Variants in RAD21 observed in about 807,000 individuals in gnomAD.
RAD21 encodes RAD21 cohesin complex component, also known as double-strand-break repair protein rad21 homolog.
RAD21 carries 18 observed loss-of-function variants against 71.5 expected under a neutral mutation model. The observed-to-expected ratio is 0.25, with a 90% CI of 0.17 to 0.37. RAD21 has a LOEUF of 0.37. RAD21 is among the 10% of genes least tolerant of loss of function. The pLI, the probability that RAD21 is intolerant of heterozygous loss-of-function variation, is 1.00. For missense variants in RAD21, 493 were observed against 769.1 expected (o/e 0.64, Z 4.25); for synonymous variants, 248 against 254.0 (o/e 0.98, Z 0.22).
chr8:116,854,107 T>A, intron 9 of RAD21, 138 bp downstream of exon 9: 1 of 642,246 alleles, frequency 1.6e-6, no homozygotes, highest in Non-Finnish European at 2.6e-6. Flanking sequence ...CCCAGTACAC[T>A]GTGATTTAAG....
rs1563687842 is a variant in RAD21 at position 116,850,630 on chromosome 8, A to C, written c.1608T>G (p.Asp536Glu). ...TTAATTAGTTTACCTCTTCCTCTTC[A>C]TCATCTTCTTTTTCCTTCTCTTTCT... ...EKEKEKEKED[D>E]EEEEDEDASG... The change falls in exon 12 of 14, where the codon GAT becomes GAG. Residue 536 changes from aspartate (D) to glutamate (E), a missense_variant. By Grantham distance (45) the Asp-to-Glu change is conservative (BLOSUM62 2). Coordinates refer to ENST00000297338, the MANE Select transcript of RAD21 (RefSeq NM_006265.3). The C allele has an allele frequency of 6.2e-7, 1 of 1,609,512 alleles. No individual in the cohort carries two copies. The highest frequency in any genetic ancestry group is 8.5e-7 in the Non-Finnish European group (1 of 1,176,506).
chr8:116,853,843 CA>C (rs1002411920), intron 9 of RAD21, among the ~76,000 whole-genome samples: 8 of 150,736 alleles, frequency 5.3e-5, no homozygotes, highest in African/African-American at 2.0e-4. Context: ...AACAAACAAA[CA>C]AAAAAACAAA....
intron 3 of RAD21, 67 bp from the exon 4 acceptor site, chr8:116,862,007 A>G: frequency 1.6e-6 from 2 of 1,238,310 alleles, no homozygotes; most frequent in South Asian, 2.4e-5. Flanking sequence ...AGAGGGAGAT[A>G]AGTAGGTATA....
At position 116,866,666 on chromosome 8, in the gene RAD21, G is replaced by T; in HGVS notation, c.64C>A (p.His22Asn). ...GCTTTGGTTAGCTTCTTATCCCAAT[G>T]GGCCGCTAGCCAAATTTTGGCCAGA... ...GPLAKIWLAA[H>N]WDKKLTKAHV... Residue 22 changes from histidine to asparagine, a missense_variant, in exon 2 of 14, where the codon CAT (histidine) becomes AAT (asparagine). His to Asn is a moderately conservative substitution (Grantham distance 68, BLOSUM62 1). Coordinates refer to ENST00000297338, the MANE Select transcript of RAD21 (RefSeq NM_006265.3). The T allele has an allele frequency of 6.2e-7, 1 of 1,613,390 alleles. No individual in the cohort carries two copies.
chr8:116,849,731 A>G (rs1343350791), intron 12 of RAD21, among the ~76,000 whole-genome samples: 2 of 152,202 alleles, frequency 1.3e-5, no homozygotes, highest in Non-Finnish European at 2.9e-5. Flanking sequence ...ACTCATTCAC[A>G]ACTAAGTCTG....
intron 2 of RAD21, among the ~76,000 whole-genome samples, chr8:116,865,652 A>T (rs998459125): frequency 1.3e-5 from 2 of 152,198 alleles, no homozygotes; most frequent in Non-Finnish European, 2.9e-5. Context: ...GCTAGTCTTT[A>T]AAAAGAAAAT....
intron 9 of RAD21, 83 bp downstream of exon 9, chr8:116,854,162 A>T (rs1812415551): frequency 8.5e-7 from 1 of 1,178,048 alleles, no homozygotes; most frequent in Non-Finnish European, 1.2e-6. Context: ...ATACTTGATC[A>T]AAAATGATTC....
chr8:116,859,732 A>G (rs1812549407), intron 4 of RAD21, among the ~76,000 whole-genome samples: 1 of 152,062 alleles, frequency 6.6e-6, no homozygotes, highest in Admixed American at 6.6e-5. Context: ...AATAAGGCCA[A>G]TTAATAACCC....
At chr8:116,855,230 T>C (rs1812437799) in intron 8 of RAD21, among the ~76,000 whole-genome samples, 1 of 152,164 alleles carries the variant, frequency 6.6e-6, no homozygotes, top group Non-Finnish European at 1.5e-5. Flanking sequence ...CCCATTTCCC[T>C]CATCAATGGG....
Position 116,846,279 on chromosome 8 carries a change from G to A in RAD21, c.*1221C>T, listed in dbSNP as rs1812251469. 4.3e-6 allele frequency: 1 copy of A among 230,950 alleles called. No individual in the cohort carries two copies. Among genetic ancestry groups the A allele is most frequent in the African/African-American group, 2.2e-5 (1 of 45,048 alleles). 14.3% of individuals were successfully genotyped at this position (230,950 alleles called of 1,614,324 possible). A position where few individuals can be genotyped will look rare whatever the true frequency, so the allele number is the denominator to read the frequency against. On this transcript the variant is annotated 3_prime_UTR_variant, in exon 14 of 14. Coordinates refer to ENST00000297338, the MANE Select transcript of RAD21 (RefSeq NM_006265.3). Reference sequence around the variant, plus strand: ...AATTATTGGGTATACACTGAAGTCTGAGTTTCAAAAGTGATTTTTTTTTCC... The same window carrying A: ...AATTATTGGGTATACACTGAAGTCTAAGTTTCAAAAGTGATTTTTTTTTCC...
chr8:116,854,218 A>C, intron 9 of RAD21, 27 bp downstream of exon 9: 1 of 1,510,390 alleles, frequency 6.6e-7, no homozygotes, highest in Non-Finnish European at 9.1e-7. Context: ...AATGTATATG[A>C]AGTAAAAATT....
At chr8:116,865,534 C>T (rs1215836687) in intron 2 of RAD21, among the ~76,000 whole-genome samples, 1 of 152,134 alleles carries the variant, frequency 6.6e-6, no homozygotes, top group Non-Finnish European at 1.5e-5. Flanking sequence ...TATCACAAAT[C>T]TCAAAAACAT....
At chr8:116,858,221 CTT>C in intron 5 of RAD21, 129 bp downstream of exon 5, 1 of 680,054 alleles carries the variant, frequency 1.5e-6, no homozygotes, top group Non-Finnish European at 2.4e-6. Flanking sequence ...AAGCCAAATT[CTT>C]TTCTTGATGA....
chr8:116,857,890 T>G (rs1812503479), intron 5 of RAD21, among the ~76,000 whole-genome samples: 1 of 152,198 alleles, frequency 6.6e-6, no homozygotes, highest in Non-Finnish European at 1.5e-5. Flanking sequence ...GGAGGATCAC[T>G]TGAATCCAAG....
intron 13 of RAD21, among the ~76,000 whole-genome samples, chr8:116,848,552 C>T (rs900174938): frequency 6.6e-6 from 1 of 152,118 alleles, no homozygotes; most frequent in East Asian, 1.9e-4. Context: ...AAAGTAACGT[C>T]TGATGCTACA....
At chr8:116,848,884 T>C in intron 13 of RAD21, 62 bp downstream of exon 13, 2 of 1,387,016 alleles carry the variant, frequency 1.4e-6, no homozygotes, top group Non-Finnish European at 2.0e-6. Flanking sequence ...TTTTTTTTTT[T>C]CAGGGAACAA....
At chr8:116,857,688 C>G (rs768344010) in intron 5 of RAD21, among the ~76,000 whole-genome samples, 8 of 152,190 alleles carry the variant, frequency 5.3e-5, no homozygotes, top group Non-Finnish European at 1.2e-4. Context: ...GCATGACTAG[C>G]AAATTCAAAC....
intron 11 of RAD21, 110 bp from the exon 12 acceptor site, chr8:116,850,877 G>A: frequency 2.9e-6 from 2 of 695,044 alleles, no homozygotes; most frequent in South Asian, 4.4e-5. Context: ...GAAATACTGA[G>A]ATTATATCTC....
At chr8:116,852,816 T>C in intron 9 of RAD21, 108 bp from the exon 10 acceptor site, 1 of 746,648 alleles carries the variant, frequency 1.3e-6, no homozygotes, top group Non-Finnish European at 1.9e-6. Context: ...TATAAGTGTA[T>C]AATTTAGCAT....
Sources: gnomAD v4.1 joint callset for allele counts (sites outside exome capture counted in the v4.1 genomes callset) on GRCh38, gnomAD v4.1.1 for gene constraint, MANE v1.5 for transcripts, NCBI Gene and HGNC (gene_info 2026-07-23, HGNC 2026-07-21) for gene names.